The following CCDC158 variants were observed in gnomAD, a reference collection of about 807,000 sequenced individuals.
CCDC158 encodes coiled-coil domain-containing protein 158.
Under a neutral mutation model 138.6 loss-of-function variants are expected in CCDC158, and 116 were observed. That is an observed-to-expected ratio of 0.84 (90% CI 0.72 to 0.98). The LOEUF (loss-of-function observed/expected upper bound fraction) is 0.98. Among genes scored for constraint, CCDC158 ranks in the 50% least tolerant of loss-of-function variants. The pLI, the probability that CCDC158 is intolerant of heterozygous loss-of-function variation, is 0.00. For missense variants in CCDC158, 1,265 were observed against 1,306.1 expected (o/e 0.97, Z 0.48); for synonymous variants, 436 against 442.4 (o/e 0.99, Z 0.18).
intron 16 of CCDC158, chr4:76,352,610 G>T (rs752162938): frequency 2.0e-5 from 3 of 152,108 alleles, no homozygotes; most frequent in Non-Finnish European, 4.4e-5. Context: ...TGACAGGAAG[G>T]GAGATTTATT....
chr4:76,332,458 G>A lies in CCDC158; in HGVS notation c.2856C>T (p.Ser952=). ...EDRVRDCITE[S]SLRSDMCHRS... Reference sequence around the variant, plus strand: ...TATGGCACATGTCTGATCTCAGGCTGGATTCAGTAATGCAATCTCTTACCC... The same window carrying A: ...TATGGCACATGTCTGATCTCAGGCTAGATTCAGTAATGCAATCTCTTACCC... Residue 952 remains serine (S), a synonymous_variant, in exon 20 of 25, where the codon TCC becomes TCT. Transcript: ENST00000682701. 1.2e-6 allele frequency: 2 copies of A among 1,610,692 alleles called. No individual in the cohort carries two copies. Among genetic ancestry groups the A allele is most frequent in the Middle Eastern group, 1.7e-4 (1 of 6,054 alleles).
At chr4:76,313,363 C>A in intron 24 of CCDC158, 117 bp from the exon 25 acceptor site, 1 of 537,244 alleles carries the variant, frequency 1.9e-6, no homozygotes, top group South Asian at 3.4e-5. Context: ...GAGCTCAAGA[C>A]ATTCTTAAAA....
intron 2 of CCDC158, among the ~76,000 whole-genome samples, chr4:76,408,655 A>G (rs932538829): frequency 2.0e-5 from 3 of 152,172 alleles, no homozygotes; most frequent in Non-Finnish European, 4.4e-5. Flanking sequence ...ACACGTGTTC[A>G]TGTGTCTTTA....
At chr4:76,316,237 C>A (rs1035884221) in intron 24 of CCDC158, among the ~76,000 whole-genome samples, 2 of 152,082 alleles carry the variant, frequency 1.3e-5, no homozygotes, top group African/African-American at 2.4e-5. Flanking sequence ...ATGAAAAATT[C>A]TCCAGAGAAA....
At chr4:76,369,890 AG>A (rs1725074100) in intron 10 of CCDC158, among the ~76,000 whole-genome samples, 1 of 152,230 alleles carries the variant, frequency 6.6e-6, no homozygotes, top group Non-Finnish European at 1.5e-5. Flanking sequence ...AGATTTTAAA[AG>A]TCATCCTGTT....
At chr4:76,379,186 T>C (rs1472902929) in intron 9 of CCDC158, 104 bp downstream of exon 9, 8 of 553,390 alleles carry the variant, frequency 1.4e-5, no homozygotes, top group Non-Finnish European at 2.1e-5. Flanking sequence ...TGCTTTTAAT[T>C]TGAAATTACT....
Position 76,328,836 on chromosome 4 carries a change from T to C in CCDC158, c.3010+64A>G, listed in dbSNP as rs1720758571. 2.2e-6 allele frequency: 3 copies of C among 1,363,206 alleles called. No homozygotes were observed. The South Asian group carries it at 3.5e-5, about 16-fold the overall frequency. 84.4% of individuals were successfully genotyped at this position (1,363,206 alleles called of 1,614,324 possible). On this transcript the variant is annotated intron_variant, in intron 22 of 24. Coordinates refer to ENST00000682701, the MANE Select transcript of CCDC158 (RefSeq NM_001394954.1). ...GGAAGATACTGCAATGACTTTGGCT[T>C]TTACCCTCGTGGAAATGGGGAGACA...
At chr4:76,393,468 A>G (rs533102328) in intron 4 of CCDC158, among the ~76,000 whole-genome samples, 1 of 152,142 alleles carries the variant, frequency 6.6e-6, no homozygotes, top group Non-Finnish European at 1.5e-5. Context: ...CTCTCACCAT[A>G]TTTAAAAATT....
At chr4:76,317,263 A>T (rs1423015393) in intron 24 of CCDC158, among the ~76,000 whole-genome samples, 1 of 152,172 alleles carries the variant, frequency 6.6e-6, no homozygotes, top group African/African-American at 2.4e-5. Flanking sequence ...GACTCACATA[A>T]ACTTAAGGTA....
At chr4:76,386,388 T>G (rs1411713291) in intron 4 of CCDC158, among the ~76,000 whole-genome samples, 2 of 92,374 alleles carry the variant, frequency 2.2e-5, no homozygotes, top group African/African-American at 3.8e-5. Context: ...AGGCTGTAAA[T>G]GACTTTGTAA....
chr4:76,334,163 G>C lies in CCDC158; in HGVS notation c.2669C>G (p.Ser890Cys). 1 of 1,573,196 alleles carries C rather than the reference G, an allele frequency of 6.4e-7. No individual in the cohort carries two copies. The highest frequency in any genetic ancestry group is 8.7e-7 in the Non-Finnish European group (1 of 1,154,308). The change falls in exon 19 of 25, where the codon TCT (serine) becomes TGT (cysteine). Residue 890 changes from serine (S) to cysteine (C), a missense_variant. Physicochemically the swap from Ser to Cys is moderately radical, Grantham distance 112 (BLOSUM62 -1). Coordinates refer to ENST00000682701, the MANE Select transcript of CCDC158 (RefSeq NM_001394954.1). ...QSTASFLSHH[S>C]TKANTLKEDP... Reference sequence around the variant, plus strand: ...TTCCTTCAGTGTGTTAGCTTTTGTAGAGTGCTGAGTTAAAACAATTTACAA... The same window carrying C: ...TTCCTTCAGTGTGTTAGCTTTTGTACAGTGCTGAGTTAAAACAATTTACAA...
intron 18 of CCDC158, among the ~76,000 whole-genome samples, chr4:76,342,975 C>T (rs566017925): frequency 7.2e-5 from 11 of 152,228 alleles, no homozygotes; most frequent in Admixed American, 2.0e-4. Flanking sequence ...AAGCTGTCTC[C>T]ATATACTCAG....
At chr4:76,325,286 A>G (rs1720418442) in intron 23 of CCDC158, among the ~76,000 whole-genome samples, 1 of 152,244 alleles carries the variant, frequency 6.6e-6, no homozygotes, top group Non-Finnish European at 1.5e-5. Context: ...GAATGATGTC[A>G]TAGAACACTG....
intron 18 of CCDC158, chr4:76,344,969 T>G: frequency 1.3e-6 from 2 of 1,485,066 alleles, no homozygotes; most frequent in South Asian, 2.3e-5. Flanking sequence ...AGAAGTCCTT[T>G]TTACTGGAGT....
chr4:76,404,063 A>T (rs542840719), intron 2 of CCDC158, among the ~76,000 whole-genome samples: 1 of 152,278 alleles, frequency 6.6e-6, no homozygotes. Context: ...TCAGAGAAGC[A>T]GGGTTTCTTG....
At chr4:76,334,606 T>A (rs768063579) in intron 18 of CCDC158, among the ~76,000 whole-genome samples, 3 of 152,194 alleles carry the variant, frequency 2.0e-5, no homozygotes, top group Non-Finnish European at 2.9e-5. Flanking sequence ...TCCCCACATC[T>A]TACTGATGAG....
At chr4:76,359,115 T>C (rs1220660574) in intron 13 of CCDC158, among the ~76,000 whole-genome samples, 1 of 152,114 alleles carries the variant, frequency 6.6e-6, no homozygotes, top group South Asian at 2.1e-4. Context: ...TCTCTCTCTC[T>C]CTACTGCTAC....
At chr4:76,345,644 T>C in intron 18 of CCDC158, 2 of 790,620 alleles carry the variant, frequency 2.5e-6, no homozygotes, top group South Asian at 2.7e-5. Context: ...CAAGCATCAC[T>C]TGCACTTAAA....
rs1196329155 is a variant in CCDC158 at position 76,357,538 on chromosome 4, G to A, written c.2021-12C>T. On this transcript the variant is annotated splice_polypyrimidine_tract_variant and intron_variant, in intron 13 of 24. Transcript: ENST00000682701. ...GACTTCATACTCCTCTATACAATGT[G>A]ATAATCAATAATAGATGGTTACTTT... is the stretch of plus-strand genomic sequence containing the variant. 7.5e-6 allele frequency: 11 copies of A among 1,466,680 alleles called. No homozygotes were observed. Among genetic ancestry groups the A allele is most frequent in the South Asian group, 1.5e-5 (1 of 68,608 alleles). 90.9% of individuals were successfully genotyped at this position (1,466,680 alleles called of 1,614,324 possible). A position where few individuals can be genotyped will look rare whatever the true frequency, so the allele number is the denominator to read the frequency against.
Sources: allele counts gnomAD v4.1 joint callset (sites outside exome capture counted in the v4.1 genomes callset), GRCh38; gene constraint gnomAD v4.1.1; transcripts MANE v1.5; gene names NCBI Gene and HGNC (gene_info 2026-07-23, HGNC 2026-07-21).